Variants in TTC23L observed in about 807,000 individuals in gnomAD.
The protein encoded by TTC23L is tetratricopeptide repeat domain 23 like, also known as tetratricopeptide repeat protein 23-like.
A neutral mutation model predicts 48.1 loss-of-function variants in TTC23L; 42 were observed. That is an observed-to-expected ratio of 0.87 (90% CI 0.68 to 1.13). The LOEUF (loss-of-function observed/expected upper bound fraction) is 1.13, where lower values mean the gene tolerates loss of function less well. Among genes scored for constraint, TTC23L ranks in the 50% most tolerant of loss-of-function variants. The probability of loss-of-function intolerance (pLI) is 0.00; values close to 1 mark genes in which losing one functional copy is unlikely to be tolerated. For synonymous variants in TTC23L, 159 were observed against 157.2 expected (o/e 1.01, Z -0.09); for missense variants, 391 against 421.0 (o/e 0.93, Z 0.62).
intron 7 of TTC23L, chr5:34,867,311 C>T (rs1761138408): frequency 3.6e-6 from 2 of 548,362 alleles, no homozygotes; most frequent in South Asian, 2.2e-5. Context: ...GCACTTCCCC[C>T]TCCCCCTCTT....
the TTC23L span, among the ~76,000 whole-genome samples, chr5:34,917,020 A>G: frequency 6.6e-6 from 1 of 152,234 alleles, no homozygotes. Flanking sequence ...CAGGAGATAT[A>G]GATTATTTTT....
intron 9 of TTC23L, among the ~76,000 whole-genome samples, chr5:34,890,875 T>C (rs1762828368): frequency 6.6e-6 from 1 of 152,164 alleles, no homozygotes; most frequent in African/African-American, 2.4e-5. Flanking sequence ...TAGCTGGGAT[T>C]ATAGGCATCT....
At chr5:34,856,582 C>T (rs1488385852) in intron 4 of TTC23L, among the ~76,000 whole-genome samples, 3 of 151,902 alleles carry the variant, frequency 2.0e-5, no homozygotes, top group Non-Finnish European at 4.4e-5. Flanking sequence ...AGCATGGAAG[C>T]CAAGGTTGAA....
At chr5:34,899,762 C>T (rs566185892), downstream of TTC23L, among the ~76,000 whole-genome samples, 1 of 152,284 alleles carries the variant, frequency 6.6e-6, no homozygotes, top group South Asian at 2.1e-4. Context: ...CGTGGTGACA[C>T]ATGCCTGTAA....
the TTC23L span, chr5:34,921,905 CGCAA>C: frequency 1.2e-4 from 15 of 129,480 alleles, no homozygotes; most frequent in South Asian, 2.6e-4. Flanking sequence ...GAAACTGCAT[CGCAA>C]AAAAAAAAAA....
chr5:34,868,481 TA>T (rs1183525301), intron 7 of TTC23L: 2 of 164,322 alleles, frequency 1.2e-5, no homozygotes, highest in African/African-American at 4.8e-5. Flanking sequence ...ACTTTACATA[TA>T]TTAACCATTA....
At chr5:34,843,626 A>C (rs1305047996) in intron 2 of TTC23L, among the ~76,000 whole-genome samples, 1 of 152,222 alleles carries the variant, frequency 6.6e-6, no homozygotes, top group Admixed American at 6.5e-5. Flanking sequence ...GGTCTGTGAA[A>C]TATGCAGCTT....
the TTC23L span, chr5:34,907,490 AT>A: frequency 6.6e-6 from 1 of 152,054 alleles, no homozygotes; most frequent in African/African-American, 2.4e-5. Flanking sequence ...TACTCATGTA[AT>A]TTTTTCTACT....
At chr5:34,911,844 G>C in the TTC23L span, 2 of 1,606,796 alleles carry the variant, frequency 1.2e-6, no homozygotes, top group Non-Finnish European at 1.7e-6. Context: ...CTTGGCCTTA[G>C]CTTTATAGTT....
the TTC23L span, chr5:34,908,454 C>T: frequency 1.7e-5 from 3 of 179,750 alleles, no homozygotes; most frequent in Non-Finnish European, 3.5e-5. Flanking sequence ...GGATTAAAGC[C>T]ACCACACCCG....
At chr5:34,879,735 T>G (rs1177626560) in intron 8 of TTC23L, among the ~76,000 whole-genome samples, 1 of 152,082 alleles carries the variant, frequency 6.6e-6, no homozygotes, top group Non-Finnish European at 1.5e-5. Context: ...CGGTGGCTCA[T>G]GCCTGTGATC....
chr5:34,892,271 A>G (rs1341506646), intron 9 of TTC23L, among the ~76,000 whole-genome samples: 1 of 152,184 alleles, frequency 6.6e-6, no homozygotes, highest in Non-Finnish European at 1.5e-5. Flanking sequence ...TAGGAGCCCG[A>G]ATTCTTGGCT....
At chr5:34,904,571 C>T in the TTC23L span, among the ~76,000 whole-genome samples, 1 of 146,274 alleles carries the variant, frequency 6.8e-6, no homozygotes, top group Non-Finnish European at 1.5e-5. Flanking sequence ...TCCAGCCTGG[C>T]AACAGAGTGG....
At chr5:34,912,845 C>T in the TTC23L span, among the ~76,000 whole-genome samples, 10 of 151,964 alleles carry the variant, frequency 6.6e-5, no homozygotes, top group Middle Eastern at 3.4e-3. Flanking sequence ...ACTAAAAATA[C>T]AAAAAATTAG....
At chr5:34,856,065 G>C (rs566306369) in intron 4 of TTC23L, among the ~76,000 whole-genome samples, 3 of 152,186 alleles carry the variant, frequency 2.0e-5, no homozygotes, top group Admixed American at 1.3e-4. Context: ...GAGTGACAGT[G>C]AGGCCCAAAG....
intron 2 of TTC23L, among the ~76,000 whole-genome samples, chr5:34,842,035 G>T (rs1758725648): frequency 1.3e-5 from 2 of 152,168 alleles, no homozygotes; most frequent in African/African-American, 4.8e-5. Context: ...TCGGGGCAAA[G>T]TCATCCTTAG....
intron 8 of TTC23L, among the ~76,000 whole-genome samples, chr5:34,874,743 A>C (rs978562564): frequency 9.9e-5 from 15 of 152,084 alleles, no homozygotes; most frequent in African/African-American, 3.6e-4. Flanking sequence ...ATAAATAAAT[A>C]AAATTTAAAA....
At chr5:34,858,595 T>C (rs1419073314) in intron 4 of TTC23L, among the ~76,000 whole-genome samples, 2 of 152,142 alleles carry the variant, frequency 1.3e-5, no homozygotes, top group African/African-American at 4.8e-5. Flanking sequence ...TTACTTTTTA[T>C]ACATGTATTT....
chr5:34,852,041 T>G (rs1291107199), intron 4 of TTC23L, among the ~76,000 whole-genome samples: 1 of 152,082 alleles, frequency 6.6e-6, no homozygotes, highest in Non-Finnish European at 1.5e-5. Flanking sequence ...AAGTAGATTT[T>G]TTTACTTTTT....
Sources: gnomAD v4.1 joint callset for allele counts (sites outside exome capture counted in the v4.1 genomes callset) on GRCh38, gnomAD v4.1.1 for gene constraint, MANE v1.5 for transcripts, NCBI Gene and HGNC (gene_info 2026-07-23, HGNC 2026-07-21) for gene names.